The following CNTNAP2 variants were observed in gnomAD, a reference collection of about 807,000 sequenced individuals.
The protein encoded by CNTNAP2 is contactin-associated protein-like 2.
A neutral mutation model predicts 155.2 loss-of-function variants in CNTNAP2; 98 were observed. That is an observed-to-expected ratio of 0.63 (90% CI 0.54 to 0.75). The LOEUF (loss-of-function observed/expected upper bound fraction) is 0.75. Ranked by LOEUF, CNTNAP2 falls within the 30% of genes least tolerant of loss-of-function variation. The pLI is 0.00. For synonymous variants in CNTNAP2, 651 were observed against 631.2 expected (o/e 1.03, Z -0.47); for missense variants, 1,727 against 1,688.1 (o/e 1.02, Z -0.40).
At chr7:146,502,566 T>G (rs1224618968) in intron 1 of CNTNAP2, among the ~76,000 whole-genome samples, 1 of 152,142 alleles carries the variant, frequency 6.6e-6, no homozygotes, top group Non-Finnish European at 1.5e-5. Context: ...TCTGTCTTTT[T>G]GATAATAGTC....
chr7:147,722,420 T>C (rs1223358759), intron 13 of CNTNAP2, among the ~76,000 whole-genome samples: 1 of 152,144 alleles, frequency 6.6e-6, no homozygotes, highest in Non-Finnish European at 1.5e-5. Flanking sequence ...ATGGATTTTT[T>C]AAAACTCTTA....
chr7:146,500,797 C>A lies in CNTNAP2; in HGVS notation c.98-273474C>A, dbSNP rs1284108742. 5.9e-5 allele frequency among the ~76,000 whole-genome samples: 9 copies of A among 152,128 alleles called. No individual in the cohort carries two copies. The East Asian group carries it at 1.4e-3, about 23-fold the overall frequency. ...GCTAAACAGATATTTATGTGTTGTT[C>A]CTAATCTTCAAAGAATGCATTTCAT... is the stretch of plus-strand genomic sequence containing the variant. On this transcript the variant is annotated intron_variant, in intron 1 of 23. Coordinates refer to ENST00000361727, the MANE Select transcript of CNTNAP2 (RefSeq NM_014141.6).
intron 8 of CNTNAP2, among the ~76,000 whole-genome samples, chr7:147,158,559 C>T (rs1339684318): frequency 6.6e-6 from 1 of 152,044 alleles, no homozygotes; most frequent in Non-Finnish European, 1.5e-5. Context: ...TTAACCTGTT[C>T]ATTAGTTGCA....
chr7:147,973,593 C>T (rs7784755), intron 14 of CNTNAP2, among the ~76,000 whole-genome samples: 5,547 of 152,222 alleles, frequency 0.036, 310 homozygotes, highest in African/African-American at 0.12. Context: ...GTGAATAAAA[C>T]ATTGCAGATA....
intron 18 of CNTNAP2, among the ~76,000 whole-genome samples, chr7:148,173,249 T>G (rs1794860706): frequency 6.6e-6 from 1 of 152,220 alleles, no homozygotes; most frequent in Admixed American, 6.5e-5. Context: ...GTGGCTTAAT[T>G]TCCCATATAT....
At chr7:148,121,637 T>G (rs1804596942) in intron 16 of CNTNAP2, among the ~76,000 whole-genome samples, 1 of 152,192 alleles carries the variant, frequency 6.6e-6, no homozygotes, top group African/African-American at 2.4e-5. Flanking sequence ...TGACTACATA[T>G]TGCTTTCCAG....
At chr7:147,249,696 T>C (rs946996727) in intron 8 of CNTNAP2, among the ~76,000 whole-genome samples, 2 of 148,726 alleles carry the variant, frequency 1.3e-5, no homozygotes, top group Non-Finnish European at 3.0e-5. Context: ...GGAAATGCAG[T>C]GGACTTGGGT....
Position 147,645,396 on chromosome 7 carries a change from G to T in CNTNAP2, c.2098+6090G>T, listed in dbSNP as rs546431467. Among the ~76,000 whole-genome samples the T allele has an allele frequency of 5.1e-4, 77 of 152,242 alleles. 1 individual carries two copies. The South Asian group carries it at 0.015, about 30-fold the overall frequency. On this transcript the variant is annotated intron_variant, in intron 13 of 23. Coordinates refer to ENST00000361727, the MANE Select transcript of CNTNAP2 (RefSeq NM_014141.6). ...GATTTTTCAGTAAATAAAATTTATT[G>T]TGACTAATCAGTGTATTAATCAGAA...
chr7:147,762,134 C>T (rs961512711), intron 13 of CNTNAP2, among the ~76,000 whole-genome samples: 1 of 98,330 alleles, frequency 1.0e-5, no homozygotes, highest in African/African-American at 8.8e-5. Context: ...TAATATGTTT[C>T]TCTCTCTCTC....
chr7:147,887,801 T>C (rs916162641), intron 13 of CNTNAP2, among the ~76,000 whole-genome samples: 2 of 152,174 alleles, frequency 1.3e-5, no homozygotes, highest in Admixed American at 6.5e-5. Context: ...CAAAAGAAGA[T>C]AATGTAAAAA....
intron 13 of CNTNAP2, among the ~76,000 whole-genome samples, chr7:147,735,935 T>C (rs1485738760): frequency 2.0e-5 from 3 of 150,518 alleles, no homozygotes; most frequent in Non-Finnish European, 4.4e-5. Flanking sequence ...TGAGATGGGT[T>C]TCCTGAATAC....
intron 3 of CNTNAP2, among the ~76,000 whole-genome samples, chr7:146,987,974 T>G (rs1376733199): frequency 2.0e-5 from 3 of 152,096 alleles, no homozygotes; most frequent in Non-Finnish European, 4.4e-5. Flanking sequence ...GTCCTCAAGT[T>G]TTAATTCTTA....
intron 21 of CNTNAP2, among the ~76,000 whole-genome samples, chr7:148,275,017 T>A (rs544351274): frequency 6.6e-6 from 1 of 152,280 alleles, no homozygotes; most frequent in African/African-American, 2.4e-5. Context: ...AATCAGCAAA[T>A]GTATACTCAT....
At chr7:146,583,046 T>C (rs1798636291) in intron 1 of CNTNAP2, among the ~76,000 whole-genome samples, 1 of 152,012 alleles carries the variant, frequency 6.6e-6, no homozygotes, top group Non-Finnish European at 1.5e-5. Flanking sequence ...TCTTGTAGTA[T>C]GTTGCAGAAA....
intron 1 of CNTNAP2, among the ~76,000 whole-genome samples, chr7:146,248,365 A>G (rs1032799138): frequency 6.6e-6 from 1 of 152,062 alleles, no homozygotes; most frequent in East Asian, 1.9e-4. Context: ...ACTTGCCGCT[A>G]AGGGTGAAGG....
Position 147,310,367 on chromosome 7 carries a change from TTTC to T in CNTNAP2, c.1498+10080_1498+10082del, listed in dbSNP as rs1466733517. On this transcript the variant is annotated intron_variant, in intron 9 of 23. Coordinates refer to ENST00000361727, the MANE Select transcript of CNTNAP2 (RefSeq NM_014141.6). ...GCCATTTACCATTGACATGTTCTGC[TTTC>T]TTTTTTCTTGATACTGATTTTGCTC... Among the ~76,000 whole-genome samples the T allele has an allele frequency of 2.6e-5, 4 of 152,198 alleles. No homozygotes were observed. The East Asian group carries it at 5.8e-4, about 22-fold the overall frequency.
intron 1 of CNTNAP2, among the ~76,000 whole-genome samples, chr7:146,302,477 A>T (rs1429227038): frequency 6.6e-6 from 1 of 152,210 alleles, no homozygotes; most frequent in Non-Finnish European, 1.5e-5. Context: ...TTTCAGAGAT[A>T]GTATTAAATG....
chr7:148,121,224 G>A (rs1225750055), intron 16 of CNTNAP2, among the ~76,000 whole-genome samples: 7 of 151,934 alleles, frequency 4.6e-5, no homozygotes, highest in East Asian at 1.9e-4. Flanking sequence ...TAGTAGAGAC[G>A]GGCTTTCACC....
chr7:147,681,617 G>A (rs142727752), intron 13 of CNTNAP2, among the ~76,000 whole-genome samples: 2,487 of 151,926 alleles, frequency 0.016, 220 homozygotes, highest in Admixed American at 0.15. Flanking sequence ...TTCTGAATTC[G>A]TGAAATTCAC....
Sources: allele counts gnomAD v4.1 joint callset (sites outside exome capture counted in the v4.1 genomes callset), GRCh38; gene constraint gnomAD v4.1.1; transcripts MANE v1.5; gene names NCBI Gene and HGNC (gene_info 2026-07-23, HGNC 2026-07-21).